Variants in CELF2 observed in about 807,000 individuals in gnomAD.
CELF2 encodes CUGBP Elav-like family member 2, also known as CUG triplet repeat RNA-binding protein 2.
In CELF2, 8 loss-of-function variants were observed where a neutral mutation model predicts 62.6. The ratio of observed to expected loss-of-function variants is 0.13; its 90% CI spans 0.07 to 0.23. CELF2 has a LOEUF of 0.23. Ranked by LOEUF, CELF2 falls within the 10% of genes least tolerant of loss-of-function variation. The pLI, the probability that CELF2 is intolerant of heterozygous loss-of-function variation, is 1.00. For missense variants in CELF2, 333 were observed against 671.0 expected (o/e 0.50, Z 5.56); for synonymous variants, 258 against 250.0 (o/e 1.03, Z -0.30).
intron 2 of CELF2, among the ~76,000 whole-genome samples, chr10:10,939,277 G>GTGGTGTTGTTGT (rs138349252): frequency 8.3e-5 from 12 of 144,320 alleles, no homozygotes; most frequent in African/African-American, 2.1e-4. Flanking sequence ...TTGTTTTGTG[G>GTGGTGTTGTTGT]TGTTGTTGTT....
Position 11,329,611 on chromosome 10 carries a change from C to T in CELF2, c.*558C>T, listed in dbSNP as rs1345381539. On this transcript the variant is annotated 3_prime_UTR_variant, in exon 13 of 13. Transcript: ENST00000633077. The surrounding 1 kb of genome is among the most constrained non-coding windows in gnomAD (Gnocchi z 5.5). ...CCAACCACACGTCTTTCCACTACAT[C>T]GGCTTGTTTTACTAAGTAGGATTTT... 1.3e-5 allele frequency: 2 copies of T among 152,588 alleles called. No homozygotes were observed. The highest frequency in any genetic ancestry group is 2.1e-4 in the South Asian group (1 of 4,826). 9.5% of individuals were successfully genotyped at this position (152,588 alleles called of 1,614,324 possible). A position where few individuals can be genotyped will look rare whatever the true frequency, so the allele number is the denominator to read the frequency against.
At chr10:10,916,890 G>C (rs565120623) in intron 1 of CELF2, among the ~76,000 whole-genome samples, 2 of 151,040 alleles carry the variant, frequency 1.3e-5, no homozygotes, top group Admixed American at 1.3e-4. Flanking sequence ...TGGGATTACA[G>C]TCATGAGTCA....
the CELF2 span, among the ~76,000 whole-genome samples, chr10:10,511,490 GAT>G: frequency 6.6e-6 from 1 of 151,988 alleles, no homozygotes; most frequent in Admixed American, 6.6e-5. Context: ...GGTGTGTTTG[GAT>G]TATATTGACT....
chr10:10,466,045 G>A, the CELF2 span, among the ~76,000 whole-genome samples: 1 of 152,212 alleles, frequency 6.6e-6, no homozygotes, highest in African/African-American at 2.4e-5. Context: ...AAACAAGAAT[G>A]TCTTTCTCCT....
the CELF2 span, among the ~76,000 whole-genome samples, chr10:10,758,063 A>T: frequency 6.6e-6 from 1 of 152,168 alleles, no homozygotes; most frequent in Non-Finnish European, 1.5e-5. Flanking sequence ...CAATCTGCAG[A>T]TTTTCATTTT....
chr10:10,913,829 G>GGGAAGGAA (rs1261588643), intron 1 of CELF2, among the ~76,000 whole-genome samples: 1 of 138,640 alleles, frequency 7.2e-6, no homozygotes, highest in African/African-American at 2.7e-5. Context: ...AAGGGAGGGA[G>GGGAAGGAA]GGAAGGAAGG....
At chr10:11,137,095 TATGCAC>T (rs1361059722) in intron 1 of CELF2, among the ~76,000 whole-genome samples, 8 of 152,262 alleles carry the variant, frequency 5.3e-5, no homozygotes, top group African/African-American at 1.7e-4. Flanking sequence ...CCTATGTATG[TATGCAC>T]ATGCACATGT....
At chr10:11,202,260 G>A (rs559945035) in intron 2 of CELF2, among the ~76,000 whole-genome samples, 45 of 152,224 alleles carry the variant, frequency 3.0e-4, no homozygotes, top group Non-Finnish European at 5.0e-4. Context: ...TTCACCTCCT[G>A]TCATAATGTT....
chr10:10,555,280 T>C, the CELF2 span, among the ~76,000 whole-genome samples: 1 of 129,370 alleles, frequency 7.7e-6, no homozygotes, highest in Non-Finnish European at 1.5e-5. Flanking sequence ...GGCCAGAAAG[T>C]CTTTTTTTTT....
chr10:10,920,132 C>T (rs1481628468), intron 2 of CELF2: 1 of 544,504 alleles, frequency 1.8e-6, no homozygotes, highest in East Asian at 3.5e-5. Flanking sequence ...TCATACATCA[C>T]CATGTAAATG....
chr10:10,858,277 C>T (rs1304812937), intron 1 of CELF2, among the ~76,000 whole-genome samples: 1 of 152,132 alleles, frequency 6.6e-6, no homozygotes, highest in Admixed American at 6.6e-5. Flanking sequence ...TCTGTGGCCT[C>T]TCATCACCCA....
chr10:11,235,809 T>G (rs182830215), intron 3 of CELF2, among the ~76,000 whole-genome samples: 3,025 of 149,976 alleles, frequency 0.02, 116 homozygotes, highest in African/African-American at 0.068. Flanking sequence ...AAGTTTTTTT[T>G]GGGGGGTGGG....
rs549364139 is a variant in CELF2 at position 10,969,070 on chromosome 10, G to A, written c.89+49071G>A. ...GATGATGATTATGACAAGAGTATCT[G>A]GGGACAACTTCAAAATGTGGGACTT... On this transcript the variant is annotated intron_variant, in intron 2 of 13. Coordinates refer to the CELF2 transcript ENST00000636488. Among the ~76,000 whole-genome samples the A allele has an allele frequency of 3.3e-5, 5 of 152,264 alleles. No homozygotes were observed. In the South Asian group the frequency reaches 8.3e-4, roughly 25 times the overall value.
intron 2 of CELF2, among the ~76,000 whole-genome samples, chr10:10,991,609 A>G (rs1484676537): frequency 1.3e-5 from 2 of 152,226 alleles, no homozygotes; most frequent in Non-Finnish European, 2.9e-5. Context: ...TTTACTTCTC[A>G]GTAATTTTGT....
the CELF2 span, among the ~76,000 whole-genome samples, chr10:10,589,068 T>C: frequency 6.6e-6 from 1 of 152,070 alleles, no homozygotes; most frequent in Admixed American, 6.5e-5. Context: ...TACAACTTGG[T>C]TTTATACATT....
chr10:10,843,715 A>G (rs1415830602), intron 1 of CELF2, among the ~76,000 whole-genome samples: 1 of 152,016 alleles, frequency 6.6e-6, no homozygotes, highest in Non-Finnish European at 1.5e-5. Flanking sequence ...TCATATCCTT[A>G]TCGATTTTAT....
chr10:10,585,622 C>A, the CELF2 span, among the ~76,000 whole-genome samples: 1 of 152,062 alleles, frequency 6.6e-6, no homozygotes, highest in Admixed American at 6.6e-5. Context: ...GCAGGAAGAA[C>A]AATAAAGTGT....
chr10:10,816,672 T>C (rs1460543695), intron 1 of CELF2, among the ~76,000 whole-genome samples: 1 of 152,222 alleles, frequency 6.6e-6, no homozygotes, highest in African/African-American at 2.4e-5. Context: ...AGATGGGCCT[T>C]GGATAAACAA....
chr10:10,614,171 A>G, the CELF2 span, among the ~76,000 whole-genome samples: 1 of 151,554 alleles, frequency 6.6e-6, no homozygotes, highest in Non-Finnish European at 1.5e-5. Context: ...GATCTAGATT[A>G]GCCAATCTAG....
Sources: gnomAD v4.1 joint callset for allele counts (sites outside exome capture counted in the v4.1 genomes callset) on GRCh38, gnomAD v4.1.1 for gene constraint, Gnocchi (gnomAD v3.1) non-coding constraint, MANE v1.5 for transcripts, NCBI Gene and HGNC (gene_info 2026-07-23, HGNC 2026-07-21) for gene names.